Variants in TMPO observed in about 807,000 individuals in gnomAD.
TMPO encodes LEM domain containing 4.
In TMPO, 22 loss-of-function variants were observed where a neutral mutation model predicts 45.4. The observed-to-expected ratio is 0.48, with a 90% CI of 0.35 to 0.69. The LOEUF (loss-of-function observed/expected upper bound fraction) is 0.69. Ranked by LOEUF, TMPO falls within the 30% of genes least tolerant of loss-of-function variation. TMPO has a pLI of 0.01. For missense variants in TMPO, 512 were observed against 548.8 expected (o/e 0.93, Z 0.67); for synonymous variants, 241 against 204.1 (o/e 1.18, Z -1.54).
intron 1 of TMPO, among the ~76,000 whole-genome samples, chr12:98,521,657 A>G (rs1555202463): frequency 6.6e-6 from 1 of 152,212 alleles, no homozygotes; most frequent in Non-Finnish European, 1.5e-5. Flanking sequence ...TTTTTGTTTT[A>G]AGAGGCAGAG....
rs1875759852 is a variant in TMPO at position 98,516,022 on chromosome 12, C to T, written c.155C>T (p.Pro52Leu). The change falls in exon 1 of 9, where the codon CCG (proline) becomes CTG (leucine). Residue 52 changes from proline (P) to leucine (L), a missense_variant. Physicochemically the swap from Pro to Leu is moderately conservative, Grantham distance 98. This residue lies in a region of TMPO where 299 missense variants were observed against 296.7 expected (regional missense o/e 1.01). Transcript: ENST00000556029. Reference sequence around the variant, plus strand: ...CACCTCACGGCTCGCAACCGGCCGCCGCTCCCCGCCGGCACCAACAGCAAG... The same window carrying T: ...CACCTCACGGCTCGCAACCGGCCGCTGCTCCCCGCCGGCACCAACAGCAAG... ...LQHLTARNRP[P>L]LPAGTNSKGP... The T allele has an allele frequency of 6.2e-7, 1 of 1,609,762 alleles. No individual in the cohort carries two copies. Among genetic ancestry groups the T allele is most frequent in the Non-Finnish European group, 8.5e-7 (1 of 1,179,016 alleles).
rs906296396 is a variant in TMPO at position 98,548,237 on chromosome 12, T to G, written c.*379T>G. 1 of 161,864 alleles carries G rather than the reference T, an allele frequency of 6.2e-6. No homozygotes were observed. The highest frequency in any genetic ancestry group is 2.4e-5 in the African/African-American group (1 of 41,570). The allele number at this position is 161,864 out of a possible 1,614,324, so 10.0% of individuals were successfully genotyped here. A position where few individuals can be genotyped will look rare whatever the true frequency, so the allele number is the denominator to read the frequency against. ...CTACACATTTAAATACTTAGAATTC[T>G]TACAGAAAAGATTTTAAGAATTATT... On this transcript the variant is annotated 3_prime_UTR_variant, in exon 9 of 9. Coordinates refer to ENST00000556029, the MANE Select transcript of TMPO (RefSeq NM_001032283.3).
At chr12:98,543,149 T>C (rs574011243) in intron 4 of TMPO, among the ~76,000 whole-genome samples, 2 of 152,240 alleles carry the variant, frequency 1.3e-5, no homozygotes, top group South Asian at 4.1e-4. Context: ...TGTCACAGGA[T>C]TAAAGTTTAA....
intron 1 of TMPO, chr12:98,516,569 G>A: frequency 2.0e-6 from 2 of 1,005,178 alleles, no homozygotes; most frequent in East Asian, 1.0e-4. Flanking sequence ...TCGCAGCAGA[G>A]TCTCAGAGCG....
intron 1 of TMPO, among the ~76,000 whole-genome samples, chr12:98,524,849 C>T (rs1280265683): frequency 6.6e-6 from 1 of 152,132 alleles, no homozygotes; most frequent in Non-Finnish European, 1.5e-5. Context: ...CCACCTTGGT[C>T]TCCCAAAGTG....
chr12:98,543,897 C>CA (rs1276539361), intron 4 of TMPO, among the ~76,000 whole-genome samples: 1 of 152,072 alleles, frequency 6.6e-6, no homozygotes, highest in East Asian at 1.9e-4. Flanking sequence ...TTTGTTTAGA[C>CA]AGAGATGTAG....
At chr12:98,538,998 C>T (rs1419822402) in intron 4 of TMPO, among the ~76,000 whole-genome samples, 2 of 151,922 alleles carry the variant, frequency 1.3e-5, no homozygotes, top group African/African-American at 2.4e-5. Context: ...GTCCGGAGTT[C>T]GAGACGAGCC....
At chr12:98,521,139 G>A (rs559095638) in intron 1 of TMPO, among the ~76,000 whole-genome samples, 18 of 91,686 alleles carry the variant, frequency 2.0e-4, no homozygotes, top group Admixed American at 1.7e-3. Flanking sequence ...ACGGAGTGTC[G>A]CTCTGTCACC....
rs909749831 is a variant in TMPO, at chr12:98,535,476, A to G, written c.566-1999A>G. On this transcript the variant is annotated intron_variant, in intron 3 of 8. Transcript: ENST00000556029. Reference sequence around the variant, plus strand: ...CTGGCCATTACCACATTCTTAGATTATATGTGTCCATCTTTGCAGCTTTCT... The same window carrying G: ...CTGGCCATTACCACATTCTTAGATTGTATGTGTCCATCTTTGCAGCTTTCT... The G allele has an allele frequency of 7.1e-6, 7 of 985,308 alleles. 1 individual carries two copies. The highest frequency in any genetic ancestry group is 7.2e-6 in the Non-Finnish European group (6 of 829,838). 61.0% of individuals were successfully genotyped at this position (985,308 alleles called of 1,614,324 possible). A position where few individuals can be genotyped will look rare whatever the true frequency, so the allele number is the denominator to read the frequency against.
In TMPO at chr12:98,515,979, G is replaced by C; in HGVS notation, c.112G>C (p.Val38Leu). 6.2e-7 allele frequency: 1 copy of C among 1,612,934 alleles called. No homozygotes were observed. ...CGGGGAGCAGCGCAAAGACGTGTAC[G>C]TCCAGCTCTACCTGCAGCACCTCAC... ...PAGEQRKDVY[V>L]QLYLQHLTAR... is the part of the protein sequence containing the mutation. Residue 38 changes from valine to leucine, a missense_variant, in exon 1 of 9, where the codon GTC becomes CTC. By Grantham distance (32) the Val-to-Leu change is conservative. Coordinates refer to ENST00000556029, the MANE Select transcript of TMPO (RefSeq NM_001032283.3).
chr12:98,527,715 TAGAA>T, intron 1 of TMPO, 167 bp from the exon 2 acceptor site: 1 of 672,650 alleles, frequency 1.5e-6, no homozygotes, highest in Non-Finnish European at 2.5e-6. Flanking sequence ...CAGTTCAACT[TAGAA>T]AGTGTTCTCC....
chr12:98,527,873 A>T lies in TMPO; in HGVS notation c.280-13A>T, dbSNP rs1244858960. On this transcript the variant is annotated splice_polypyrimidine_tract_variant and intron_variant, in intron 1 of 8. Transcript: ENST00000556029. ...TAATTCATATGGAAATGATTACTGG[A>T]CTTTGTTTACAGAAAGCCACAAAAA... 22 of 1,613,260 alleles carry T rather than the reference A, an allele frequency of 1.4e-5. No homozygotes were observed. Among genetic ancestry groups the T allele is most frequent in the Non-Finnish European group, 1.9e-5 (22 of 1,179,736 alleles).
chr12:98,545,198 C>A, intron 7 of TMPO, 137 bp downstream of exon 7: 1 of 648,774 alleles, frequency 1.5e-6, no homozygotes, highest in South Asian at 1.8e-5. Context: ...TGTAAATATG[C>A]ATAAATTATT....
chr12:98,533,165 T>C lies in TMPO; in HGVS notation c.565+1327T>C, dbSNP rs1325196944. ...TCTTCTCAGCCTGAACACAGTGCCATGTTGGTCTCTACTGCAGCTTCTCCT... is the reference window on the plus strand; with the variant it reads ...TCTTCTCAGCCTGAACACAGTGCCACGTTGGTCTCTACTGCAGCTTCTCCT... On this transcript the variant is annotated intron_variant, in intron 3 of 8. Coordinates refer to ENST00000556029, the MANE Select transcript of TMPO (RefSeq NM_001032283.3). The C allele has an allele frequency of 7.4e-6, 12 of 1,614,012 alleles. No homozygotes were observed. Among genetic ancestry groups the C allele is most frequent in the Non-Finnish European group, 1.0e-5 (12 of 1,180,028 alleles).
intron 4 of TMPO, among the ~76,000 whole-genome samples, chr12:98,543,075 A>T (rs1455122457): frequency 6.6e-6 from 1 of 152,182 alleles, no homozygotes; most frequent in Non-Finnish European, 1.5e-5. Flanking sequence ...CTATGTCTGT[A>T]ACTTGTGGGG....
At chr12:98,525,851 C>T (rs1334174725) in intron 1 of TMPO, among the ~76,000 whole-genome samples, 1 of 152,086 alleles carries the variant, frequency 6.6e-6, no homozygotes, top group African/African-American at 2.4e-5. Flanking sequence ...GATTTTTCCC[C>T]CTAATATTAT....
intron 3 of TMPO, chr12:98,534,415 G>A: frequency 6.3e-7 from 1 of 1,596,964 alleles, no homozygotes; most frequent in Admixed American, 1.7e-5. Context: ...TTCTGTTAAG[G>A]TTGTTTTAGT....
intron 1 of TMPO, chr12:98,516,653 A>G (rs562065220): frequency 4.5e-6 from 3 of 667,448 alleles, no homozygotes; most frequent in Non-Finnish European, 5.6e-6. Context: ...GCCTTTTTAT[A>G]CTTTTGCGTG....
At chr12:98,534,128 C>T in intron 3 of TMPO, 1 of 1,613,848 alleles carries the variant, frequency 6.2e-7, no homozygotes, top group Non-Finnish European at 8.5e-7. Flanking sequence ...ACATATGATG[C>T]AGCCTCATAT....
Sources: gnomAD v4.1 joint callset for allele counts (sites outside exome capture counted in the v4.1 genomes callset) on GRCh38, gnomAD v4.1.1 for gene constraint, gnomAD v4.1.1 regional missense constraint, MANE v1.5 for transcripts, NCBI Gene and HGNC (gene_info 2026-07-23, HGNC 2026-07-21) for gene names.